Variants in CADM4 observed in about 807,000 individuals in gnomAD.
CADM4 encodes cell adhesion molecule 4.
Under a neutral mutation model 43.9 loss-of-function variants are expected in CADM4, and 13 were observed. That is an observed-to-expected ratio of 0.30 (90% CI 0.19 to 0.47). The LOEUF (loss-of-function observed/expected upper bound fraction) is 0.47. CADM4 is among the 20% of genes least tolerant of loss of function. The pLI is 1.00. For missense variants in CADM4, 420 were observed against 527.0 expected (o/e 0.80, Z 1.99); for synonymous variants, 209 against 220.9 (o/e 0.95, Z 0.48).
chr19:43,628,152 G>A (rs1973559769), intron 1 of CADM4, among the ~76,000 whole-genome samples: 1 of 152,028 alleles, frequency 6.6e-6, no homozygotes, highest in Admixed American at 6.6e-5. Context: ...GAGGCTGAGC[G>A]CGGTGGCTCA....
In CADM4 at chr19:43,627,300, A is replaced by C; in HGVS notation, c.230T>G (p.Phe77Cys). 6.2e-7 allele frequency: 1 copy of C among 1,601,626 alleles called. No individual in the cohort carries two copies. Among genetic ancestry groups the C allele is most frequent in the Non-Finnish European group, 8.5e-7 (1 of 1,173,058 alleles). The change falls in exon 3 of 9, where the codon TTC becomes TGC. Residue 77 changes from phenylalanine (F) to cysteine (C), a missense_variant. Transcript: ENST00000222374. The surrounding 1 kb of genome is among the most constrained non-coding windows in gnomAD (Gnocchi z 4.0). ...NGTRALKDER[F>C]QLEEFSPRRV... ...GCGTGGGGAGAACTCCTCAAGCTGG[A>C]AACGCTCATCCTTCAAGGCTAGAGA...
rs1973474126 is a variant in CADM4 at position 43,623,570 on chromosome 19, CAG to C, written c.1058-133_1058-132del. ...AAGGAAGAGGGAGAAACGGAACACA[CAG>C]GGAGAGGCAGAGAAAGAGGTAAACA... is the stretch of plus-strand genomic sequence containing the variant. On this transcript the variant is annotated intron_variant, in intron 8 of 8. Transcript: ENST00000222374. The surrounding 1 kb of genome is among the most constrained non-coding windows in gnomAD (Gnocchi z 4.4). 2.9e-6 allele frequency: 2 copies of C among 695,138 alleles called. No homozygotes were observed. The highest frequency in any genetic ancestry group is 3.5e-5 in the African/African-American group (2 of 57,282). 43.1% of individuals were successfully genotyped at this position (695,138 alleles called of 1,614,324 possible).
chr19:43,625,042 C>T lies in CADM4; in HGVS notation c.928+36G>A. ...GCCCCGCCCCCGCCACCTGGCGCCCCGCCCCCGCCCTCAGTCGGCCGCAGC... is the reference window on the plus strand; with the variant it reads ...GCCCCGCCCCCGCCACCTGGCGCCCTGCCCCCGCCCTCAGTCGGCCGCAGC... On this transcript the variant is annotated intron_variant, in intron 7 of 8. Coordinates refer to ENST00000222374, the MANE Select transcript of CADM4 (RefSeq NM_145296.2). The surrounding 1 kb of genome is among the most constrained non-coding windows in gnomAD (Gnocchi z 4.5). The T allele has an allele frequency of 1.4e-6, 2 of 1,387,260 alleles. No homozygotes were observed. Among genetic ancestry groups the T allele is most frequent in the Non-Finnish European group, 1.9e-6 (2 of 1,065,576 alleles). The allele number at this position is 1,387,260 out of a possible 1,614,324, so 85.9% of individuals were successfully genotyped here.
intron 1 of CADM4, among the ~76,000 whole-genome samples, chr19:43,638,221 GAACATGT>G (rs1158966336): frequency 6.6e-6 from 1 of 152,200 alleles, no homozygotes; most frequent in Non-Finnish European, 1.5e-5. Flanking sequence ...CTGGAGTGGG[GAACATGT>G]AACCGCACTC....
At position 43,625,327 on chromosome 19, in the gene CADM4, C is replaced by CA; in HGVS notation, c.756-78dup. ...AATTCTGACTTGTCAAGAATCTAGA[C>CA]ATGCAACTCTCATCCCGCAGGGACC... On this transcript the variant is annotated intron_variant, in intron 6 of 8. Coordinates refer to ENST00000222374, the MANE Select transcript of CADM4 (RefSeq NM_145296.2). The surrounding 1 kb of genome is among the most constrained non-coding windows in gnomAD (Gnocchi z 4.5). The CA allele has an allele frequency of 7.0e-7, 1 of 1,431,382 alleles. No individual in the cohort carries two copies. The highest frequency in any genetic ancestry group is 1.4e-5 in the African/African-American group (1 of 70,444). 88.7% of individuals were successfully genotyped at this position (1,431,382 alleles called of 1,614,324 possible).
In CADM4 at chr19:43,627,103, GGAGAAGA is replaced by G. The variant is rs145326531; in HGVS notation, c.364+56_364+62del. ...AAATAGCCATGGTCTGAAAGTCTCA[GGAGAAGA>G]GAGAAGCAGAGAAGAAAGGAGGAGA... On this transcript the variant is annotated intron_variant, in intron 3 of 8. Transcript: ENST00000222374. The surrounding 1 kb of genome is among the most constrained non-coding windows in gnomAD (Gnocchi z 4.0). 1,078 of 1,515,478 alleles carry G rather than the reference GGAGAAGA, an allele frequency of 7.1e-4. 9 individuals carry two copies. The African/African-American group carries it at 0.014, about 20-fold the overall frequency. The allele number at this position is 1,515,478 out of a possible 1,614,324, so 93.9% of individuals were successfully genotyped here.
Position 43,627,106 on chromosome 19 carries a change from G to C in CADM4, c.364+60C>G. The stretch of plus-strand genomic sequence containing the variant: ...TAGCCATGGTCTGAAAGTCTCAGGA[G>C]AAGAGAGAAGCAGAGAAGAAAGGAG... On this transcript the variant is annotated intron_variant, in intron 3 of 8. Transcript: ENST00000222374. This position sits in a 1 kb window ranked among gnomAD's most constrained non-coding sequence, Gnocchi z 4.0. 1 of 1,513,634 alleles carries C rather than the reference G, an allele frequency of 6.6e-7. No individual in the cohort carries two copies. Among genetic ancestry groups the C allele is most frequent in the South Asian group, 1.3e-5 (1 of 76,794 alleles). The allele number at this position is 1,513,634 out of a possible 1,614,324, so 93.8% of individuals were successfully genotyped here. A position where few individuals can be genotyped will look rare whatever the true frequency, so the allele number is the denominator to read the frequency against.
chr19:43,624,080 A>C, intron 8 of CADM4, 34 bp downstream of exon 8: 1 of 1,611,480 alleles, frequency 6.2e-7, no homozygotes, highest in Non-Finnish European at 8.5e-7. Flanking sequence ...CCTACAACCA[A>C]CCAACCGTAG....
At chr19:43,639,331 G>A (rs1973740912) in intron 1 of CADM4, among the ~76,000 whole-genome samples, 2 of 150,742 alleles carry the variant, frequency 1.3e-5, no homozygotes, top group South Asian at 2.1e-4. Flanking sequence ...ACAGGACTTC[G>A]AGACTGAGGG....
chr19:43,626,146 C>A lies in CADM4; in HGVS notation c.642G>T (p.Thr214=). Residue 214 remains threonine, a synonymous_variant, in exon 5 of 9, where the codon ACG becomes ACT. Coordinates refer to ENST00000222374, the MANE Select transcript of CADM4 (RefSeq NM_145296.2). This position sits in a 1 kb window ranked among gnomAD's most constrained non-coding sequence, Gnocchi z 5.9. The stretch of plus-strand genomic sequence containing the variant: ...TACACTGCACATCCAGCACGTACTG[C>A]GTCTGCTTGCTGTGTCCGGAGGGCA... ...QALPSGHSKQ[T]QYVLDVQYSP... is the part of the protein sequence containing the mutation. 1 of 1,613,930 alleles carries A rather than the reference C, an allele frequency of 6.2e-7. No homozygotes were observed. The highest frequency in any genetic ancestry group is 8.5e-7 in the Non-Finnish European group (1 of 1,179,920).
rs983388990 is a variant in CADM4 at position 43,626,437 on chromosome 19, A to C, written c.500-149T>G. 2 of 922,746 alleles carry C rather than the reference A, an allele frequency of 2.2e-6. No individual in the cohort carries two copies. The highest frequency in any genetic ancestry group is 1.7e-5 in the African/African-American group (1 of 60,412). 57.2% of individuals were successfully genotyped at this position (922,746 alleles called of 1,614,324 possible). On this transcript the variant is annotated intron_variant, in intron 4 of 8. Transcript: ENST00000222374. The surrounding 1 kb of genome is among the most constrained non-coding windows in gnomAD (Gnocchi z 5.9). ...GTCCTCCAAGCTACGCCCCTCCCCT[A>C]ACCAAGCCCACGTGCCTCCTCCCAA... is the stretch of plus-strand genomic sequence containing the variant.
At chr19:43,635,017 C>A (rs1973681190) in intron 1 of CADM4, among the ~76,000 whole-genome samples, 1 of 151,740 alleles carries the variant, frequency 6.6e-6, no homozygotes, top group African/African-American at 2.4e-5. Context: ...GAGTCAGAGC[C>A]CCCAGCCCTC....
chr19:43,638,018 A>C (rs142010996), intron 1 of CADM4, among the ~76,000 whole-genome samples: 31 of 152,204 alleles, frequency 2.0e-4, no homozygotes, highest in South Asian at 4.1e-4. Flanking sequence ...ATAAAGATAA[A>C]TTAAAATTGA....
Position 43,626,053 on chromosome 19 carries a change from C to T in CADM4, c.665-52G>A. ...GTAGTTTCCAAGCCATCACGCAGGACAAGGGGGACCCTCGCGGGTGCGGGT... is the reference window on the plus strand; with the variant it reads ...GTAGTTTCCAAGCCATCACGCAGGATAAGGGGGACCCTCGCGGGTGCGGGT... On this transcript the variant is annotated intron_variant, in intron 5 of 8. Transcript: ENST00000222374. This position sits in a 1 kb window ranked among gnomAD's most constrained non-coding sequence, Gnocchi z 5.9. The T allele has an allele frequency of 6.2e-7, 1 of 1,613,028 alleles. No individual in the cohort carries two copies. Among genetic ancestry groups the T allele is most frequent in the South Asian group, 1.1e-5 (1 of 90,990 alleles).
chr19:43,626,557 CAGGG>C lies in CADM4; in HGVS notation c.499+223_499+226del, dbSNP rs1973531572. Among the ~76,000 whole-genome samples, 1 of 152,148 alleles carries C rather than the reference CAGGG, an allele frequency of 6.6e-6. No homozygotes were observed. Among genetic ancestry groups the C allele is most frequent in the East Asian group, 1.9e-4 (1 of 5,202 alleles). ...ATAAATTTATATATATACTTAGAGA[CAGGG>C]TCTCACAATGTTGGGCAGGTTGAAC... is the stretch of plus-strand genomic sequence containing the variant. On this transcript the variant is annotated intron_variant, in intron 4 of 8. Coordinates refer to ENST00000222374, the MANE Select transcript of CADM4 (RefSeq NM_145296.2). The surrounding 1 kb of genome is among the most constrained non-coding windows in gnomAD (Gnocchi z 5.9).
chr19:43,626,016 T>C lies in CADM4; in HGVS notation c.665-15A>G. 5 of 1,613,860 alleles carry C rather than the reference T, an allele frequency of 3.1e-6. No homozygotes were observed. Among genetic ancestry groups the C allele is most frequent in the Non-Finnish European group, 4.2e-6 (5 of 1,179,900 alleles). ...CGTGGGGGAGTCTGTTAGGCAAAAG[T>C]AAGAGGAGAGAGTAGTTTCCAAGCC... On this transcript the variant is annotated splice_polypyrimidine_tract_variant and intron_variant, in intron 5 of 8. Coordinates refer to ENST00000222374, the MANE Select transcript of CADM4 (RefSeq NM_145296.2). The surrounding 1 kb of genome is among the most constrained non-coding windows in gnomAD (Gnocchi z 5.9).
intron 1 of CADM4, among the ~76,000 whole-genome samples, chr19:43,638,920 G>A (rs918055974): frequency 1.3e-4 from 20 of 152,192 alleles, no homozygotes; most frequent in African/African-American, 4.8e-4. Flanking sequence ...GATGGGAATG[G>A]GAGATCCCGG....
At chr19:43,641,918 C>T (rs1973774387), upstream of CADM4, among the ~76,000 whole-genome samples, 1 of 152,176 alleles carries the variant, frequency 6.6e-6, no homozygotes, top group Non-Finnish European at 1.5e-5. Flanking sequence ...ATGTCTCCTG[C>T]TCCAGCTGAA....
In CADM4 at chr19:43,625,847, G is replaced by T; in HGVS notation, c.755+64C>A. 7.2e-7 allele frequency: 1 copy of T among 1,388,738 alleles called. No individual in the cohort carries two copies. The highest frequency in any genetic ancestry group is 1.0e-6 in the Non-Finnish European group (1 of 980,094). 86.0% of individuals were successfully genotyped at this position (1,388,738 alleles called of 1,614,324 possible). On this transcript the variant is annotated intron_variant, in intron 6 of 8. Coordinates refer to ENST00000222374, the MANE Select transcript of CADM4 (RefSeq NM_145296.2). This position sits in a 1 kb window ranked among gnomAD's most constrained non-coding sequence, Gnocchi z 4.5. Reference sequence around the variant, plus strand: ...TAGGACCCAGGAGTCCAAGTCCCTGGTCCCTGTTCTTCCAGGTCCCCAGCT... The same window carrying T: ...TAGGACCCAGGAGTCCAAGTCCCTGTTCCCTGTTCTTCCAGGTCCCCAGCT...
Sources: allele counts gnomAD v4.1 joint callset (sites outside exome capture counted in the v4.1 genomes callset), GRCh38; gene constraint gnomAD v4.1.1; non-coding constraint Gnocchi (gnomAD v3.1); transcripts MANE v1.5; gene names NCBI Gene and HGNC (gene_info 2026-07-23, HGNC 2026-07-21).